P2RX7: variants seen among roughly 807,000 people sequenced by gnomAD.
P2RX7 encodes the protein purinergic receptor P2X 7.
A neutral mutation model predicts 71.6 loss-of-function variants in P2RX7; 62 were observed. That is an observed-to-expected ratio of 0.87 (90% CI 0.71 to 1.07). The LOEUF is 1.07. Ranked by LOEUF, P2RX7 falls within the 50% of genes least tolerant of loss-of-function variation. The pLI is 0.00. For synonymous variants in P2RX7, 299 were observed against 283.3 expected (o/e 1.06, Z -0.56); for missense variants, 686 against 748.5 (o/e 0.92, Z 0.97).
intron 5 of P2RX7, among the ~76,000 whole-genome samples, chr12:121,163,372 A>G (rs56050444): frequency 5.9e-4 from 89 of 151,382 alleles, no homozygotes; most frequent in African/African-American, 1.4e-3. Flanking sequence ...ACACACACAC[A>G]CACACAATCT....
Position 121,154,994 on chromosome 12 carries a change from A to G in P2RX7, c.294+41A>G, listed in dbSNP as rs1444892153. 1 of 1,609,178 alleles carries G rather than the reference A, an allele frequency of 6.2e-7. No individual in the cohort carries two copies. Among genetic ancestry groups the G allele is most frequent in the East Asian group, 2.2e-5 (1 of 44,846 alleles). On this transcript the variant is annotated intron_variant, in intron 2 of 12. Transcript: ENST00000328963. This position sits in a 1 kb window ranked among gnomAD's most constrained non-coding sequence, Gnocchi z 4.2. ...CATTCTCCCAGGCTCGTCGCTGGTC[A>G]CCGTCGCCAGGGCCTAGCTCCCTTC...
At chr12:121,182,439 C>T (rs1593160927) in intron 12 of P2RX7, among the ~76,000 whole-genome samples, 1 of 152,250 alleles carries the variant, frequency 6.6e-6, no homozygotes, top group East Asian at 1.9e-4. Context: ...TTTACACAAA[C>T]CTAAATAGAA....
chr12:121,182,041 G>A (rs1199978541), intron 12 of P2RX7, among the ~76,000 whole-genome samples: 1 of 147,126 alleles, frequency 6.8e-6, no homozygotes, highest in East Asian at 2.0e-4. Context: ...TCTAGCCTGG[G>A]CAACAGAACA....
chr12:121,180,147 C>CAAAAA (rs60397642), intron 11 of P2RX7, among the ~76,000 whole-genome samples: 8 of 64,632 alleles, frequency 1.2e-4, no homozygotes, highest in South Asian at 6.2e-4. Context: ...AACTCCAACT[C>CAAAAA]AAAAAAAAAA....
At chr12:121,178,361 A>G (rs967372672) in intron 11 of P2RX7, among the ~76,000 whole-genome samples, 1 of 152,250 alleles carries the variant, frequency 6.6e-6, no homozygotes, top group African/African-American at 2.4e-5. Context: ...TGAGATAGAT[A>G]ATAATAATGG....
In P2RX7 at chr12:121,140,014, G is replaced by A. The variant is rs1174016174; in HGVS notation, c.125+6919G>A. ...CCCAAAATGCTGAGATTACAGGTGT[G>A]AGCCACTGCGCCCAGCCTGCCCCTG... On this transcript the variant is annotated intron_variant, in intron 1 of 12. Transcript: ENST00000328963. Among the ~76,000 whole-genome samples the A allele has an allele frequency of 3.3e-5, 5 of 152,166 alleles. No individual in the cohort carries two copies. In the East Asian group the frequency reaches 5.8e-4, roughly 18 times the overall value.
intron 2 of P2RX7, 75 bp from the exon 3 acceptor site, chr12:121,156,004 G>C (rs1878498055): frequency 1.5e-6 from 2 of 1,367,024 alleles, no homozygotes; most frequent in East Asian, 4.6e-5. Context: ...GGTTCGCCCA[G>C]CAAGCTGGAT....
In P2RX7 at chr12:121,139,115, T is replaced by G. The variant is rs111412378; in HGVS notation, c.125+6020T>G. On this transcript the variant is annotated intron_variant, in intron 1 of 12. Transcript: ENST00000328963. ...TGCCACTACACCCGGCTCATTTTTGTATTTTTAGTAGAGACGGGGTTTTGC... is the reference window on the plus strand; with the variant it reads ...TGCCACTACACCCGGCTCATTTTTGGATTTTTAGTAGAGACGGGGTTTTGC... Among the ~76,000 whole-genome samples, 1,286 of 152,302 alleles carry G rather than the reference T, an allele frequency of 8.4e-3. 18 individuals are homozygous for G. Among genetic ancestry groups the G allele is most frequent in the African/African-American group, 0.029 (1,186 of 41,542 alleles).
chr12:121,136,117 A>G (rs1592987133), intron 1 of P2RX7, among the ~76,000 whole-genome samples: 2 of 142,998 alleles, frequency 1.4e-5, no homozygotes, highest in South Asian at 2.2e-4. Context: ...ATATTTATAT[A>G]TATTTATATG....
chr12:121,140,200 A>G (rs1874556574), intron 1 of P2RX7, among the ~76,000 whole-genome samples: 1 of 151,392 alleles, frequency 6.6e-6, no homozygotes. Context: ...ACACAGTACG[A>G]AGAGAACAGT....
At chr12:121,138,786 T>A (rs1477206060) in intron 1 of P2RX7, among the ~76,000 whole-genome samples, 1 of 152,186 alleles carries the variant, frequency 6.6e-6, no homozygotes, top group East Asian at 1.9e-4. Context: ...CTCGGCCCCT[T>A]CCTGAGTCCC....
Position 121,167,817 on chromosome 12 carries a change from AT to A in P2RX7, c.881+206del, listed in dbSNP as rs879467840. 3.8e-3 allele frequency among the ~76,000 whole-genome samples: 513 copies of A among 136,448 alleles called. 1 individual carries two copies. The highest frequency in any genetic ancestry group is 5.6e-3 in the African/African-American group (177 of 31,706). 89.5% of individuals were successfully genotyped at this position (136,448 alleles called of 152,430 possible). A position where few individuals can be genotyped will look rare whatever the true frequency, so the allele number is the denominator to read the frequency against. ...GATGCACACTCTTTATTTTTTACTT[AT>A]TTTTTTTTTTTTGAAATGGAGTCTC... On this transcript the variant is annotated intron_variant, in intron 8 of 12. Coordinates refer to ENST00000328963, the MANE Select transcript of P2RX7 (RefSeq NM_002562.6).
At chr12:121,138,122 C>T (rs369906318) in intron 1 of P2RX7, among the ~76,000 whole-genome samples, 1,923 of 152,260 alleles carry the variant, frequency 0.013, 17 homozygotes, top group Non-Finnish European at 0.022. Context: ...ACCCAACTTG[C>T]GTTAACCACA....
chr12:121,138,167 T>C (rs1874095721), intron 1 of P2RX7, among the ~76,000 whole-genome samples: 1 of 152,228 alleles, frequency 6.6e-6, no homozygotes, highest in Admixed American at 6.5e-5. Flanking sequence ...ATCATGTAAC[T>C]GGCCAGTTGA....
rs201662141 is a variant in P2RX7 at position 121,184,471 on chromosome 12, A to G, written c.1457A>G (p.Gln486Arg). The change falls in exon 13 of 13, where the codon CAA becomes CGA. Residue 486 changes from glutamine to arginine, a missense_variant. Physicochemically the swap from Gln to Arg is conservative, Grantham distance 43. Coordinates refer to ENST00000328963, the MANE Select transcript of P2RX7 (RefSeq NM_002562.6). ...WCQCGSCLPS[Q>R]LPESHRCLEE... is the part of the protein sequence containing the mutation. ...CAGTGTGGAAGCTGCCTCCCATCTC[A>G]ACTCCCTGAGAGCCACAGGTGCCTG... The G allele has an allele frequency of 3.1e-6, 5 of 1,613,992 alleles. No individual in the cohort carries two copies. Among genetic ancestry groups the G allele is most frequent in the African/African-American group, 1.3e-5 (1 of 74,906 alleles).
intron 3 of P2RX7, among the ~76,000 whole-genome samples, chr12:121,159,195 GATC>G (rs1187454306): frequency 6.6e-6 from 1 of 152,168 alleles, no homozygotes; most frequent in Non-Finnish European, 1.5e-5. Flanking sequence ...GAGGCAGGCA[GATC>G]ATGAGGTCAG....
Position 121,184,749 on chromosome 12 carries a change from A to G in P2RX7, c.1735A>G (p.Lys579Glu), listed in dbSNP as rs201090419. ...CAGCTGCTGCCGCTGGAGGATCCGG[A>G]AAGAGTTTCCGAAGAGTGAAGGGCA... The part of the protein sequence containing the change: ...LPSCCRWRIR[K>E]EFPKSEGQYS... Residue 579 changes from lysine to glutamate, a missense_variant, in exon 13 of 13, where the codon AAA (lysine) becomes GAA (glutamate). Transcript: ENST00000328963. 1.9e-6 allele frequency: 3 copies of G among 1,555,246 alleles called. No individual in the cohort carries two copies. The highest frequency in any genetic ancestry group is 4.9e-5 in the East Asian group (2 of 41,220).
chr12:121,162,158 A>G (rs1238379508), intron 4 of P2RX7: 2 of 1,072,862 alleles, frequency 1.9e-6, no homozygotes, highest in African/African-American at 3.3e-5. Context: ...CCTCATGGGC[A>G]CCTTTTCTTA....
chr12:121,159,833 T>C (rs911869006), intron 3 of P2RX7, among the ~76,000 whole-genome samples: 1 of 152,202 alleles, frequency 6.6e-6, no homozygotes, highest in Non-Finnish European at 1.5e-5. Context: ...TCTCCGCACC[T>C]GTTTGCCCTG....
Sources: gnomAD v4.1 joint callset for allele counts (sites outside exome capture counted in the v4.1 genomes callset) on GRCh38, gnomAD v4.1.1 for gene constraint, Gnocchi (gnomAD v3.1) non-coding constraint, MANE v1.5 for transcripts, NCBI Gene and HGNC (gene_info 2026-07-23, HGNC 2026-07-21) for gene names.